Variants in SLC35F1 observed in about 807,000 individuals in gnomAD.
SLC35F1 encodes the protein chromosome 6 open reading frame 169.
Under a neutral mutation model 48.7 loss-of-function variants are expected in SLC35F1, and 14 were observed. The ratio of observed to expected loss-of-function variants is 0.29; its 90% CI spans 0.19 to 0.45. The LOEUF (loss-of-function observed/expected upper bound fraction) is 0.45. Ranked by LOEUF, SLC35F1 falls within the 20% of genes least tolerant of loss-of-function variation. The pLI is 1.00. For missense variants in SLC35F1, 404 were observed against 500.0 expected (o/e 0.81, Z 1.83); for synonymous variants, 190 against 202.2 (o/e 0.94, Z 0.51).
At chr6:118,138,639 A>G (rs1773833835) in intron 1 of SLC35F1, among the ~76,000 whole-genome samples, 1 of 152,248 alleles carries the variant, frequency 6.6e-6, no homozygotes, top group Non-Finnish European at 1.5e-5. Context: ...AAATAGTTTA[A>G]TTAGAATTCA....
chr6:118,163,424 TCACACACACA>T (rs67416879), intron 2 of SLC35F1, among the ~76,000 whole-genome samples: 25 of 150,212 alleles, frequency 1.7e-4, no homozygotes, highest in East Asian at 5.9e-4. Context: ...ACACTCACAC[TCACACACACA>T]CACACACACA....
At chr6:118,072,164 T>A (rs958984733) in intron 1 of SLC35F1, among the ~76,000 whole-genome samples, 4 of 152,186 alleles carry the variant, frequency 2.6e-5, no homozygotes, top group African/African-American at 9.7e-5. Context: ...CTTCTATTTT[T>A]AAAAATTTGG....
chr6:117,958,487 A>G (rs1776455367), intron 1 of SLC35F1, among the ~76,000 whole-genome samples: 1 of 152,192 alleles, frequency 6.6e-6, no homozygotes, highest in Admixed American at 6.5e-5. Context: ...CATTCATGGT[A>G]GGTTCCCTGT....
intron 1 of SLC35F1, among the ~76,000 whole-genome samples, chr6:118,148,903 T>G (rs951450235): frequency 6.6e-6 from 1 of 152,182 alleles, no homozygotes; most frequent in Non-Finnish European, 1.5e-5. Flanking sequence ...CAACATGATT[T>G]TTGTCTTTCA....
chr6:118,265,640 T>C (rs1775764292), intron 3 of SLC35F1, among the ~76,000 whole-genome samples: 1 of 152,072 alleles, frequency 6.6e-6, no homozygotes. Flanking sequence ...GTTAGCTCAG[T>C]CTAGGTGGCA....
At chr6:118,291,369 A>T (rs1323748026) in intron 7 of SLC35F1, among the ~76,000 whole-genome samples, 1 of 152,062 alleles carries the variant, frequency 6.6e-6, no homozygotes, top group African/African-American at 2.4e-5. Context: ...GGGAAAAAGT[A>T]TTTAAATCCT....
At chr6:117,952,648 G>A (rs966269841) in intron 1 of SLC35F1, among the ~76,000 whole-genome samples, 2 of 152,140 alleles carry the variant, frequency 1.3e-5, no homozygotes, top group Admixed American at 6.5e-5. Flanking sequence ...TCAAACTCGA[G>A]ACTGGAGACA....
In SLC35F1 at chr6:118,128,301, C is replaced by T. The variant is rs1387442473; in HGVS notation, c.174-26144C>T. ...AGAAATACCATTTGACCCAGCCATC[C>T]CATTACTGGGTATATACCCAAAGGA... On this transcript the variant is annotated intron_variant, in intron 1 of 7. Coordinates refer to ENST00000360388, the MANE Select transcript of SLC35F1 (RefSeq NM_001029858.4). Among the ~76,000 whole-genome samples, 11 of 146,344 alleles carry T rather than the reference C, an allele frequency of 7.5e-5. No individual in the cohort carries two copies. The South Asian group carries it at 2.5e-3, about 34-fold the overall frequency.
chr6:118,082,581 G>A (rs1430561870), intron 1 of SLC35F1, among the ~76,000 whole-genome samples: 1 of 151,456 alleles, frequency 6.6e-6, no homozygotes, highest in African/African-American at 2.4e-5. Flanking sequence ...ACAAAGAAGG[G>A]ATTTTTTTTT....
At position 118,305,146 on chromosome 6, in the gene SLC35F1, G is replaced by A. The variant is rs189412813; in HGVS notation, c.1003-8882G>A. ...TTAAGGAATTGATTCAGGCCATTGA[G>A]GGCTGACAAGTCCAAAATCTACAAG... On this transcript the variant is annotated intron_variant, in intron 7 of 7. Coordinates refer to ENST00000360388, the MANE Select transcript of SLC35F1 (RefSeq NM_001029858.4). Among the ~76,000 whole-genome samples, 794 of 148,682 alleles carry A rather than the reference G, an allele frequency of 5.3e-3. 4 individuals carry two copies. Among genetic ancestry groups the A allele is most frequent in the Non-Finnish European group, 8.7e-3 (587 of 67,314 alleles).
chr6:118,005,782 C>T (rs2114871879), intron 1 of SLC35F1, among the ~76,000 whole-genome samples: 1 of 152,232 alleles, frequency 6.6e-6, no homozygotes, highest in African/African-American at 2.4e-5. Flanking sequence ...AATTACCTGA[C>T]CCACCGTCTG....
At chr6:118,073,013 A>T (rs1484781727) in intron 1 of SLC35F1, among the ~76,000 whole-genome samples, 2 of 152,130 alleles carry the variant, frequency 1.3e-5, no homozygotes, top group Non-Finnish European at 2.9e-5. Context: ...CTCCCCATAC[A>T]ATTTCTGTTC....
At chr6:118,159,013 G>T (rs1006695396) in intron 2 of SLC35F1, among the ~76,000 whole-genome samples, 1 of 151,996 alleles carries the variant, frequency 6.6e-6, no homozygotes, top group African/African-American at 2.4e-5. Flanking sequence ...GAGGTCAGAA[G>T]ATCGAGATCA....
At chr6:118,126,503 T>C (rs952770902) in intron 1 of SLC35F1, among the ~76,000 whole-genome samples, 4 of 151,970 alleles carry the variant, frequency 2.6e-5, no homozygotes, top group Non-Finnish European at 5.9e-5. Flanking sequence ...AGTAGTTTTT[T>C]CCAATTCTGT....
rs547395409 is a variant in SLC35F1, at chr6:117,961,634, C to G, written c.173+53735C>G. Among the ~76,000 whole-genome samples, 14 of 152,280 alleles carry G rather than the reference C, an allele frequency of 9.2e-5. No individual in the cohort carries two copies. The South Asian group carries it at 2.9e-3, about 32-fold the overall frequency. On this transcript the variant is annotated intron_variant, in intron 1 of 7. Coordinates refer to ENST00000360388, the MANE Select transcript of SLC35F1 (RefSeq NM_001029858.4). ...CAGTGTTTCCTGAAGGACCTGACTG[C>G]CATTTTTTTTATTCCACTATCAGTT...
At chr6:118,074,319 A>C (rs1772786349) in intron 1 of SLC35F1, among the ~76,000 whole-genome samples, 1 of 152,182 alleles carries the variant, frequency 6.6e-6, no homozygotes, top group Non-Finnish European at 1.5e-5. Context: ...GTGCAAAACA[A>C]TGTTTTTATG....
At chr6:118,295,288 A>G (rs1582775273) in intron 7 of SLC35F1, among the ~76,000 whole-genome samples, 1 of 152,198 alleles carries the variant, frequency 6.6e-6, no homozygotes, top group Non-Finnish European at 1.5e-5. Flanking sequence ...TTTATTCTGT[A>G]CCTGTTATGT....
At chr6:118,311,844 T>A (rs1776375851) in intron 7 of SLC35F1, among the ~76,000 whole-genome samples, 1 of 152,186 alleles carries the variant, frequency 6.6e-6, no homozygotes, top group African/African-American at 2.4e-5. Context: ...CAGATTATTA[T>A]AAAATATATC....
chr6:117,953,774 A>G (rs899113745), intron 1 of SLC35F1, among the ~76,000 whole-genome samples: 4 of 152,210 alleles, frequency 2.6e-5, no homozygotes, highest in Admixed American at 2.6e-4. Context: ...GGAGATTCAC[A>G]TCTACAAGTA....
Sources: gnomAD v4.1 joint callset for allele counts (sites outside exome capture counted in the v4.1 genomes callset) on GRCh38, gnomAD v4.1.1 for gene constraint, MANE v1.5 for transcripts, NCBI Gene and HGNC (gene_info 2026-07-23, HGNC 2026-07-21) for gene names.